SCG5: variants seen among roughly 807,000 people sequenced by gnomAD.
SCG5 encodes neuroendocrine protein 7B2.
In SCG5, 18 loss-of-function variants were observed where a neutral mutation model predicts 25.7. The observed-to-expected ratio is 0.70, with a 90% CI of 0.48 to 1.04. SCG5 has a LOEUF of 1.04. Among genes scored for constraint, SCG5 ranks in the 50% least tolerant of loss-of-function variants. SCG5 has a pLI of 0.00. For missense variants in SCG5, 206 were observed against 259.8 expected (o/e 0.79, Z 1.42); for synonymous variants, 101 against 91.7 (o/e 1.10, Z -0.58).
chr15:32,680,324 T>C (rs571482440), intron 3 of SCG5, among the ~76,000 whole-genome samples: 82 of 151,392 alleles, frequency 5.4e-4, no homozygotes, highest in African/African-American at 1.9e-3. Context: ...GCCTCCCGAG[T>C]ACCTGGGACT....
chr15:32,675,672 G>A (rs758238738), intron 2 of SCG5, among the ~76,000 whole-genome samples: 1 of 152,190 alleles, frequency 6.6e-6, no homozygotes, highest in Non-Finnish European at 1.5e-5. Context: ...GCTACAGGGA[G>A]TCTTCCGTGG....
At chr15:32,673,402 C>T (rs2054473575) in intron 2 of SCG5, among the ~76,000 whole-genome samples, 1 of 152,040 alleles carries the variant, frequency 6.6e-6, no homozygotes, top group Non-Finnish European at 1.5e-5. Context: ...TTTTCTAGCC[C>T]CTTATTACTG....
At chr15:32,674,621 A>C (rs966252328) in intron 2 of SCG5, among the ~76,000 whole-genome samples, 34 of 152,166 alleles carry the variant, frequency 2.2e-4, no homozygotes, top group African/African-American at 8.0e-4. Flanking sequence ...CGATCATTGG[A>C]GTTGTTAGAG....
At chr15:32,653,476 T>G (rs1159262812) in intron 2 of SCG5, among the ~76,000 whole-genome samples, 1 of 152,232 alleles carries the variant, frequency 6.6e-6, no homozygotes, top group Non-Finnish European at 1.5e-5. Flanking sequence ...TTCATGGAAG[T>G]CACTAGAACC....
At chr15:32,682,724 T>C (rs1231690951) in intron 3 of SCG5, among the ~76,000 whole-genome samples, 8 of 152,350 alleles carry the variant, frequency 5.3e-5, no homozygotes, top group African/African-American at 1.9e-4. Flanking sequence ...AATTTAGCCA[T>C]TATTTGTGAG....
chr15:32,681,272 T>C (rs2054615704), intron 3 of SCG5, among the ~76,000 whole-genome samples: 1 of 152,074 alleles, frequency 6.6e-6, no homozygotes, highest in African/African-American at 2.4e-5. Context: ...TGCAATACTT[T>C]TGCACCAATC....
intron 5 of SCG5, among the ~76,000 whole-genome samples, chr15:32,695,791 G>A (rs1239269548): frequency 6.6e-6 from 1 of 152,080 alleles, no homozygotes; most frequent in Non-Finnish European, 1.5e-5. Context: ...ATGCATTTCA[G>A]ATTCCCCTTC....
intron 2 of SCG5, among the ~76,000 whole-genome samples, chr15:32,671,881 G>A (rs1413267549): frequency 6.6e-6 from 1 of 152,032 alleles, no homozygotes; most frequent in African/African-American, 2.4e-5. Context: ...GCCCCACTCC[G>A]CTTTGCCTTC....
At chr15:32,691,948 C>A (rs986799324) in intron 5 of SCG5, 185 bp downstream of exon 5, 1 of 1,444,134 alleles carries the variant, frequency 6.9e-7, no homozygotes, top group Non-Finnish European at 9.1e-7. Context: ...GCGATGGCTT[C>A]CCCAGGCTTT....
chr15:32,687,578 A>G (rs2054740041), intron 4 of SCG5, among the ~76,000 whole-genome samples: 1 of 152,150 alleles, frequency 6.6e-6, no homozygotes, highest in South Asian at 2.1e-4. Context: ...GCTTATATGG[A>G]ATGACAGTCT....
At chr15:32,683,982 C>A (rs118061169) in intron 3 of SCG5, among the ~76,000 whole-genome samples, 1 of 152,166 alleles carries the variant, frequency 6.6e-6, no homozygotes, top group African/African-American at 2.4e-5. Flanking sequence ...TATGGCTCAA[C>A]GCAATAGAAG....
chr15:32,665,526 A>G lies in SCG5; in HGVS notation c.227-14240A>G, dbSNP rs536760286. On this transcript the variant is annotated intron_variant, in intron 2 of 5. Coordinates refer to ENST00000300175, the MANE Select transcript of SCG5 (RefSeq NM_001144757.3). The stretch of plus-strand genomic sequence containing the variant: ...TTACATTATTGAATTCCTGTGGAGA[A>G]GAGGAGTCAGAGCTGTGAATAAGTC... Among the ~76,000 whole-genome samples, 4 of 152,306 alleles carry G rather than the reference A, an allele frequency of 2.6e-5. No homozygotes were observed. The East Asian group carries it at 7.7e-4, about 29-fold the overall frequency.
intron 2 of SCG5, among the ~76,000 whole-genome samples, chr15:32,660,830 T>G (rs1359206230): frequency 2.6e-5 from 4 of 152,254 alleles, no homozygotes; most frequent in African/African-American, 9.6e-5. Flanking sequence ...AATTTAATTT[T>G]TTCATGGTAT....
At chr15:32,677,258 C>T (rs1012018969) in intron 2 of SCG5, among the ~76,000 whole-genome samples, 1 of 152,136 alleles carries the variant, frequency 6.6e-6, no homozygotes, top group African/African-American at 2.4e-5. Context: ...AACAACCACT[C>T]GATGTTGCCT....
chr15:32,695,129 C>G (rs1215095004), intron 5 of SCG5, among the ~76,000 whole-genome samples: 1 of 152,060 alleles, frequency 6.6e-6, no homozygotes, highest in African/African-American at 2.4e-5. Context: ...CATTCTCCTG[C>G]CTCAACCTCC....
At position 32,668,484 on chromosome 15, in the gene SCG5, G is replaced by C. The variant is rs77052520; in HGVS notation, c.227-11282G>C. On this transcript the variant is annotated intron_variant, in intron 2 of 5. Transcript: ENST00000300175. ...GATGGAATAATTACATTCCCAAGCC[G>C]TGTACCCAAAATCTGTGCTAGGACC... Among the ~76,000 whole-genome samples the C allele has an allele frequency of 3.4e-3, 512 of 152,304 alleles. 3 individuals carry two copies. Among genetic ancestry groups the C allele is most frequent in the African/African-American group, 0.012 (485 of 41,560 alleles).
At chr15:32,679,520 A>T (rs964407642) in intron 2 of SCG5, among the ~76,000 whole-genome samples, 1 of 152,172 alleles carries the variant, frequency 6.6e-6, no homozygotes, top group Non-Finnish European at 1.5e-5. Flanking sequence ...TGCTCTTGTG[A>T]TGCTGTATTA....
At chr15:32,687,741 A>T (rs2054743738) in intron 4 of SCG5, among the ~76,000 whole-genome samples, 1 of 152,168 alleles carries the variant, frequency 6.6e-6, no homozygotes, top group Non-Finnish European at 1.5e-5. Flanking sequence ...ACAGTGATTC[A>T]CATATTACAC....
intron 3 of SCG5, among the ~76,000 whole-genome samples, chr15:32,681,172 C>T (rs886668161): frequency 1.3e-5 from 2 of 152,104 alleles, no homozygotes; most frequent in East Asian, 1.9e-4. Context: ...GTAGTCTTTT[C>T]CTGCAAGCCT....
Sources: gnomAD v4.1 joint callset for allele counts (sites outside exome capture counted in the v4.1 genomes callset) on GRCh38, gnomAD v4.1.1 for gene constraint, MANE v1.5 for transcripts, NCBI Gene and HGNC (gene_info 2026-07-23, HGNC 2026-07-21) for gene names.